The following MOB1B variants were observed in gnomAD, a reference collection of about 807,000 sequenced individuals.
The protein encoded by MOB1B is MOB1 Mps One Binder homolog B.
In MOB1B, 19 loss-of-function variants were observed where a neutral mutation model predicts 24.4. The ratio of observed to expected loss-of-function variants is 0.78; its 90% CI spans 0.54 to 1.14. MOB1B has a LOEUF of 1.14. MOB1B is among the 50% of genes most tolerant of loss of function. MOB1B has a pLI of 0.00. For synonymous variants in MOB1B, 76 were observed against 82.1 expected (o/e 0.93, Z 0.40); for missense variants, 243 against 259.6 (o/e 0.94, Z 0.44).
At chr4:70,970,140 CAG>C (rs1376140341) in intron 3 of MOB1B, 116 bp downstream of exon 3, 3 of 614,982 alleles carry the variant, frequency 4.9e-6, no homozygotes, top group Non-Finnish European at 8.4e-6. Flanking sequence ...TGAGGTTTGC[CAG>C]TGACTATTAA....
chr4:70,967,220 G>A (rs55912134), intron 2 of MOB1B, among the ~76,000 whole-genome samples: 1 of 148,422 alleles, frequency 6.7e-6, no homozygotes, highest in South Asian at 2.3e-4. Context: ...TGCAACCTCC[G>A]CCTCCTGGGT....
chr4:70,936,342 T>C (rs1711797847), intron 1 of MOB1B, among the ~76,000 whole-genome samples: 1 of 152,136 alleles, frequency 6.6e-6, no homozygotes, highest in Non-Finnish European at 1.5e-5. Flanking sequence ...TGAACTGCAT[T>C]TAAGTGTAAT....
chr4:70,967,489 T>A (rs149873160), intron 2 of MOB1B, among the ~76,000 whole-genome samples: 104 of 152,270 alleles, frequency 6.8e-4, no homozygotes, highest in African/African-American at 2.4e-3. Context: ...AAAAATATAC[T>A]GACTGGAAAG....
At position 70,986,642 on chromosome 4, in the gene MOB1B, A is replaced by G. The variant is rs1254614283; in HGVS notation, c.*4585A>G. 6.6e-6 allele frequency: 1 copy of G among 152,126 alleles called. No individual in the cohort carries two copies. Among genetic ancestry groups the G allele is most frequent in the Non-Finnish European group, 1.5e-5 (1 of 67,976 alleles). 9.4% of individuals were successfully genotyped at this position (152,126 alleles called of 1,614,324 possible). On this transcript the variant is annotated 3_prime_UTR_variant, in exon 6 of 6. Coordinates refer to ENST00000309395, the MANE Select transcript of MOB1B (RefSeq NM_173468.4). ...AATTCTTAGAAACACTTTAAGGACT[A>G]CTCTTAAATAACTTAAATATCAGAG...
intron 2 of MOB1B, among the ~76,000 whole-genome samples, 174 bp from the exon 3 acceptor site, chr4:70,969,757 T>G (rs1210463067): frequency 6.6e-6 from 1 of 152,072 alleles, no homozygotes; most frequent in African/African-American, 2.4e-5. Flanking sequence ...CTCAAGGGAG[T>G]CGTTTGATGA....
intron 1 of MOB1B, among the ~76,000 whole-genome samples, chr4:70,908,781 A>G (rs1735860701): frequency 6.9e-6 from 1 of 145,926 alleles, no homozygotes; most frequent in South Asian, 2.2e-4. Context: ...TCTTAAAAAA[A>G]AAAAAGATTA....
chr4:70,931,794 G>A (rs1359235794), intron 1 of MOB1B, among the ~76,000 whole-genome samples: 4 of 152,110 alleles, frequency 2.6e-5, no homozygotes, highest in Non-Finnish European at 4.4e-5. Context: ...GCAGTGGGGC[G>A]ATGGTAGTTC....
intron 2 of MOB1B, among the ~76,000 whole-genome samples, chr4:70,966,012 T>C (rs944118307): frequency 2.6e-5 from 4 of 151,952 alleles, no homozygotes; most frequent in African/African-American, 4.8e-5. Flanking sequence ...AGTATTTCCA[T>C]GAAACAAGGA....
At chr4:70,974,247 C>T (rs1738887419) in intron 3 of MOB1B, among the ~76,000 whole-genome samples, 1 of 151,936 alleles carries the variant, frequency 6.6e-6, no homozygotes, top group South Asian at 2.1e-4. Context: ...CTCCTCCTCC[C>T]TGGTTCAAGC....
intron 5 of MOB1B, 32 bp from the exon 6 acceptor site, chr4:70,981,948 A>G (rs758091447): frequency 2.9e-6 from 4 of 1,389,570 alleles, no homozygotes; most frequent in Admixed American, 1.8e-5. Flanking sequence ...TGTTTTTGCT[A>G]TTTATTCTGC....
intron 1 of MOB1B, among the ~76,000 whole-genome samples, chr4:70,941,118 T>C (rs1230320554): frequency 6.6e-6 from 1 of 152,162 alleles, no homozygotes; most frequent in Non-Finnish European, 1.5e-5. Flanking sequence ...ATTTTCTCTT[T>C]ATTTGTATCT....
chr4:70,935,633 G>C (rs1471230316), intron 1 of MOB1B, among the ~76,000 whole-genome samples: 9 of 151,632 alleles, frequency 5.9e-5, no homozygotes, highest in Admixed American at 5.9e-4. Context: ...TCTCACTTTA[G>C]TCTTTGCTAA....
chr4:70,972,165 G>A (rs539667270), intron 3 of MOB1B, among the ~76,000 whole-genome samples: 1 of 152,252 alleles, frequency 6.6e-6, no homozygotes, highest in African/African-American at 2.4e-5. Flanking sequence ...TTGCAAAGTG[G>A]TATTGAATGA....
At chr4:70,952,409 C>T (rs540871620) in intron 1 of MOB1B, among the ~76,000 whole-genome samples, 6 of 151,634 alleles carry the variant, frequency 4.0e-5, no homozygotes, top group Non-Finnish European at 7.4e-5. Context: ...TTTGGGAGGC[C>T]GAGGTGGGCG....
intron 2 of MOB1B, among the ~76,000 whole-genome samples, chr4:70,965,115 G>T (rs924601145): frequency 6.6e-6 from 1 of 151,750 alleles, no homozygotes; most frequent in Non-Finnish European, 1.5e-5. Context: ...TGGCCAACAT[G>T]GTGGAACCCC....
At chr4:70,981,498 T>C (rs1739209142) in intron 5 of MOB1B, among the ~76,000 whole-genome samples, 1 of 152,246 alleles carries the variant, frequency 6.6e-6, no homozygotes. Context: ...ATTCGTGTTA[T>C]TTTCCTACCA....
At chr4:70,980,188 T>C (rs746908702) in intron 5 of MOB1B, among the ~76,000 whole-genome samples, 53 of 152,214 alleles carry the variant, frequency 3.5e-4, no homozygotes, top group Non-Finnish European at 7.3e-4. Context: ...GCACACATTT[T>C]ACCTATATAA....
intron 1 of MOB1B, among the ~76,000 whole-genome samples, chr4:70,920,226 C>G (rs1380016413): frequency 6.6e-6 from 1 of 151,894 alleles, no homozygotes; most frequent in African/African-American, 2.4e-5. Flanking sequence ...TCTTCCTCCT[C>G]CTCCTCTTCC....
chr4:70,981,905 A>G, intron 5 of MOB1B, 75 bp from the exon 6 acceptor site: 1 of 966,738 alleles, frequency 1.0e-6, no homozygotes, highest in Non-Finnish European at 1.6e-6. Context: ...ACAAATGTTC[A>G]TGGTAATTTA....
Sources: allele counts gnomAD v4.1 joint callset (sites outside exome capture counted in the v4.1 genomes callset), GRCh38; gene constraint gnomAD v4.1.1; transcripts MANE v1.5; gene names NCBI Gene and HGNC (gene_info 2026-07-23, HGNC 2026-07-21).